The following TASP1 variants were observed in gnomAD, a reference collection of about 807,000 sequenced individuals.
TASP1 encodes the protein taspase 1.
A neutral mutation model predicts 56.6 loss-of-function variants in TASP1; 16 were observed. The observed-to-expected ratio is 0.28, with a 90% CI of 0.19 to 0.43. The LOEUF is 0.43. Ranked by LOEUF, TASP1 falls within the 20% of genes least tolerant of loss-of-function variation. TASP1 has a pLI of 1.00. For synonymous variants in TASP1, 179 were observed against 184.2 expected, an observed-to-expected ratio of 0.97 and a Z score of 0.23; for missense variants, 393 against 511.6, an observed-to-expected ratio of 0.77 and a Z score of 2.24.
chr20:13,611,321 GTAAA>G (rs1248726132), intron 4 of TASP1, among the ~76,000 whole-genome samples: 1 of 152,104 alleles, frequency 6.6e-6, no homozygotes, highest in African/African-American at 2.4e-5. Flanking sequence ...GGGACTAAAA[GTAAA>G]TAAACAATTT....
chr20:13,152,603 A>T, the TASP1 span, among the ~76,000 whole-genome samples: 1 of 152,134 alleles, frequency 6.6e-6, no homozygotes, highest in Non-Finnish European at 1.5e-5. Flanking sequence ...CCATGCTTAG[A>T]CTTCTTCCTC....
chr20:13,316,132 C>T, the TASP1 span, among the ~76,000 whole-genome samples: 52,754 of 151,666 alleles, frequency 0.35, 9,521 homozygotes, highest in African/African-American at 0.38. Context: ...ATATCATGGA[C>T]ATTAAAAGGA....
At chr20:13,163,392 A>T in the TASP1 span, among the ~76,000 whole-genome samples, 10 of 140,972 alleles carry the variant, frequency 7.1e-5, no homozygotes, top group Non-Finnish European at 1.5e-5. Flanking sequence ...AAAAAAAAAT[A>T]GAAATCCTAA....
Position 13,541,492 on chromosome 20 carries a change from C to T in TASP1, c.676-7351G>A, listed in dbSNP as rs369665179. Among the ~76,000 whole-genome samples, 56 of 152,196 alleles carry T rather than the reference C, an allele frequency of 3.7e-4. No individual in the cohort carries two copies. In the South Asian group the frequency reaches 0.011, roughly 29 times the overall value. ...CAACCTGTCCTCCTTCTGCATCCTC[C>T]CTACCATCCACACACAAGCACACCT... On this transcript the variant is annotated intron_variant, in intron 8 of 13. Transcript: ENST00000337743.
the TASP1 span, among the ~76,000 whole-genome samples, chr20:13,193,657 G>C: frequency 1.3e-5 from 2 of 152,174 alleles, no homozygotes; most frequent in African/African-American, 4.8e-5. Context: ...CCAGAGACAG[G>C]CAGTTTCTCG....
intron 13 of TASP1, among the ~76,000 whole-genome samples, chr20:13,416,662 A>G (rs1473120939): frequency 6.6e-6 from 1 of 152,220 alleles, no homozygotes; most frequent in African/African-American, 2.4e-5. Context: ...ACAATGCTGC[A>G]CAACTTCACA....
the TASP1 span, among the ~76,000 whole-genome samples, chr20:13,123,313 A>G: frequency 6.8e-6 from 1 of 147,742 alleles, no homozygotes; most frequent in African/African-American, 2.7e-5. Context: ...CCTGGCCGAC[A>G]GAGCAAGACT....
chr20:13,615,160 G>A (rs13045526), intron 4 of TASP1, among the ~76,000 whole-genome samples: 4,724 of 152,054 alleles, frequency 0.031, 99 homozygotes, highest in Non-Finnish European at 0.042. Flanking sequence ...ACTAGAAAAC[G>A]TTGCTTACAT....
chr20:13,194,571 GTGTGTGTGTGTGTGTA>G, the TASP1 span, among the ~76,000 whole-genome samples: 1,284 of 150,772 alleles, frequency 8.5e-3, 20 homozygotes, highest in African/African-American at 0.03. Flanking sequence ...GTGTGTGTGT[GTGTGTGTGTGTGTGTA>G]TGTGTGTTTC....
the TASP1 span, among the ~76,000 whole-genome samples, chr20:13,174,353 A>C: frequency 0.02 from 3,050 of 152,314 alleles, 55 homozygotes; most frequent in South Asian, 0.03. Flanking sequence ...AGCTTAAAAA[A>C]TAATTTGAAA....
the TASP1 span, among the ~76,000 whole-genome samples, chr20:13,306,434 A>G: frequency 6.6e-6 from 1 of 152,126 alleles, no homozygotes; most frequent in Non-Finnish European, 1.5e-5. Flanking sequence ...ACCATTAGAC[A>G]TGCGGTTTTG....
chr20:13,552,940 G>A (rs2046028557), intron 8 of TASP1, among the ~76,000 whole-genome samples: 1 of 151,798 alleles, frequency 6.6e-6, no homozygotes, highest in Non-Finnish European at 1.5e-5. Context: ...TCCTCTTTTT[G>A]AGACAGAGTC....
At chr20:13,260,087 A>G in the TASP1 span, among the ~76,000 whole-genome samples, 1 of 152,230 alleles carries the variant, frequency 6.6e-6, no homozygotes, top group Non-Finnish European at 1.5e-5. Context: ...CCAAGCAGGA[A>G]TCACACCATT....
At chr20:13,437,093 G>C (rs1459468535) in intron 11 of TASP1, among the ~76,000 whole-genome samples, 1 of 152,092 alleles carries the variant, frequency 6.6e-6, no homozygotes, top group East Asian at 1.9e-4. Context: ...GATGAACATC[G>C]ATGCAAAAAT....
At chr20:13,478,837 A>T (rs1381856671) in intron 11 of TASP1, among the ~76,000 whole-genome samples, 1 of 152,348 alleles carries the variant, frequency 6.6e-6, no homozygotes, top group African/African-American at 2.4e-5. Flanking sequence ...TAAAATGTTT[A>T]GTTAAAAGAA....
At chr20:13,123,025 A>G in the TASP1 span, among the ~76,000 whole-genome samples, 2 of 152,160 alleles carry the variant, frequency 1.3e-5, no homozygotes, top group Non-Finnish European at 2.9e-5. Context: ...GAATCTTTCA[A>G]TTGGCCATTG....
chr20:13,609,467 C>T (rs1448338114), intron 4 of TASP1, among the ~76,000 whole-genome samples: 3 of 151,926 alleles, frequency 2.0e-5, no homozygotes, highest in African/African-American at 4.8e-5. Context: ...GCAGATCACT[C>T]GAGGTCAGGA....
intron 8 of TASP1, among the ~76,000 whole-genome samples, chr20:13,553,570 G>A (rs188342380): frequency 5.3e-5 from 8 of 152,178 alleles, no homozygotes; most frequent in Admixed American, 4.6e-4. Context: ...AAGCAAGGAT[G>A]AAACAAAGAT....
chr20:13,244,693 G>C, the TASP1 span, among the ~76,000 whole-genome samples: 14 of 152,182 alleles, frequency 9.2e-5, no homozygotes, highest in African/African-American at 3.4e-4. Flanking sequence ...TCCCTGGCCA[G>C]GTTTTGACCA....
Sources: gnomAD v4.1 joint callset for allele counts (sites outside exome capture counted in the v4.1 genomes callset) on GRCh38, gnomAD v4.1.1 for gene constraint, MANE v1.5 for transcripts, NCBI Gene and HGNC (gene_info 2026-07-23, HGNC 2026-07-21) for gene names.